The following TNRC6A variants were observed in gnomAD, a reference collection of about 807,000 sequenced individuals.
TNRC6A encodes trinucleotide repeat containing adaptor 6A.
TNRC6A carries 44 observed loss-of-function variants against 221.2 expected under a neutral mutation model. The observed-to-expected ratio is 0.20, with a 90% CI of 0.16 to 0.26. The LOEUF (loss-of-function observed/expected upper bound fraction) is 0.26, where lower values mean the gene tolerates loss of function less well. Ranked by LOEUF, TNRC6A falls within the 10% of genes least tolerant of loss-of-function variation. TNRC6A has a pLI of 1.00. For missense variants in TNRC6A, 2,199 were observed against 2,404.4 expected (o/e 0.91, Z 1.79); for synonymous variants, 847 against 838.5 (o/e 1.01, Z -0.18).
At chr16:24,783,000 T>C (rs1037457492) in intron 5 of TNRC6A, among the ~76,000 whole-genome samples, 2 of 152,262 alleles carry the variant, frequency 1.3e-5, no homozygotes, top group Admixed American at 1.3e-4. Flanking sequence ...CTCTTCCCTT[T>C]CTGGCAAAAT....
At chr16:24,810,041 G>T (rs983218769) in intron 18 of TNRC6A, among the ~76,000 whole-genome samples, 13 of 152,172 alleles carry the variant, frequency 8.5e-5, no homozygotes, top group African/African-American at 3.1e-4. Context: ...TCAAACTCCT[G>T]ACCTCAGGTG....
At position 24,776,742 on chromosome 16, in the gene TNRC6A, A is replaced by G. The variant is rs888591464; in HGVS notation, c.164-191A>G. 17 of 985,422 alleles carry G rather than the reference A, an allele frequency of 1.7e-5. No homozygotes were observed. The East Asian group carries it at 9.1e-4, about 53-fold the overall frequency. The allele number at this position is 985,422 out of a possible 1,614,324, so 61.0% of individuals were successfully genotyped here. On this transcript the variant is annotated intron_variant, in intron 4 of 24. Coordinates refer to ENST00000395799, the MANE Select transcript of TNRC6A (RefSeq NM_014494.4). ...CCTTATTGGGTAGGTAGGTAGCAGAAGTGAAATATGACTCTTGGCAGTGAC... is the reference window on the plus strand; with the variant it reads ...CCTTATTGGGTAGGTAGGTAGCAGAGGTGAAATATGACTCTTGGCAGTGAC...
intron 19 of TNRC6A, 80 bp downstream of exon 19, chr16:24,815,385 T>A (rs1213394996): frequency 6.6e-7 from 1 of 1,514,564 alleles, no homozygotes; most frequent in South Asian, 1.2e-5. Context: ...ACTACTGATG[T>A]AGCCCAGATC....
chr16:24,762,943 A>G lies in TNRC6A; in HGVS notation c.163+4583A>G, dbSNP rs9935271. On this transcript the variant is annotated intron_variant, in intron 4 of 24. Transcript: ENST00000395799. ...TAAAAGGAATCCAGAAAGATCTTGG[A>G]ACAGATTTTACAGTATTTCTCTATT... Among the ~76,000 whole-genome samples the G allele has an allele frequency of 8.5e-5, 13 of 152,352 alleles. No individual in the cohort carries two copies. The East Asian group carries it at 2.1e-3, about 25-fold the overall frequency.
chr16:24,615,106 G>A (rs1900276157), intron 1 of TNRC6A, among the ~76,000 whole-genome samples: 1 of 152,112 alleles, frequency 6.6e-6, no homozygotes, highest in Non-Finnish European at 1.5e-5. Context: ...TTAATTGCAG[G>A]GGAGATGGAA....
intron 2 of TNRC6A, among the ~76,000 whole-genome samples, chr16:24,676,614 T>C (rs2055424832): frequency 6.6e-6 from 1 of 151,988 alleles, no homozygotes; most frequent in African/African-American, 2.4e-5. Flanking sequence ...GCCACCACGC[T>C]TGGCTAATTT....
At chr16:24,638,965 A>G (rs1901783073) in intron 1 of TNRC6A, among the ~76,000 whole-genome samples, 1 of 152,228 alleles carries the variant, frequency 6.6e-6, no homozygotes, top group Non-Finnish European at 1.5e-5. Flanking sequence ...ATCTGTTGCC[A>G]TTGGATTGGG....
At chr16:24,669,796 T>C (rs946440131) in intron 2 of TNRC6A, among the ~76,000 whole-genome samples, 1 of 151,872 alleles carries the variant, frequency 6.6e-6, no homozygotes, top group Admixed American at 6.6e-5. Context: ...GTAGTAATAG[T>C]AATAGTAGCA....
At chr16:24,700,850 A>G (rs1391668120) in intron 2 of TNRC6A, among the ~76,000 whole-genome samples, 1 of 152,060 alleles carries the variant, frequency 6.6e-6, no homozygotes, top group East Asian at 1.9e-4. Flanking sequence ...ATAGCAAACC[A>G]CTTGTTCCCT....
At chr16:24,612,234 G>A (rs116197543) in intron 1 of TNRC6A, among the ~76,000 whole-genome samples, 254 of 152,222 alleles carry the variant, frequency 1.7e-3, no homozygotes, top group African/African-American at 5.4e-3. Flanking sequence ...ACGTCTGTTC[G>A]GCAAGAAACT....
chr16:24,820,171 C>G lies in TNRC6A; in HGVS notation c.5113C>G (p.Pro1705Ala), dbSNP rs1257013304. The change falls in exon 22 of 25, where the codon CCT becomes GCT. Residue 1705 changes from proline (P) to alanine (A), a missense_variant. Pro to Ala is a conservative substitution (Grantham distance 27). Coordinates refer to ENST00000395799, the MANE Select transcript of TNRC6A (RefSeq NM_014494.4). ...TAGTGATTCCAAATTGACATGGTCT[C>G]CTGGTTCAGTTACAAACACCTCTCT... ...RNSDSKLTWS[P>A]GSVTNTSLAH... The G allele has an allele frequency of 6.2e-7, 1 of 1,614,180 alleles. No homozygotes were observed. Among genetic ancestry groups the G allele is most frequent in the South Asian group, 1.1e-5 (1 of 91,076 alleles).
At chr16:24,812,877 CTTTTTTTTTT>C (rs71383720) in intron 18 of TNRC6A, among the ~76,000 whole-genome samples, 3 of 74,992 alleles carry the variant, frequency 4.0e-5, no homozygotes, top group Non-Finnish European at 7.1e-5. Context: ...ACCTCTTGGG[CTTTTTTTTTT>C]TTTTTTTTTT....
chr16:24,704,115 G>A (rs1362315087), intron 2 of TNRC6A, among the ~76,000 whole-genome samples: 2 of 149,832 alleles, frequency 1.3e-5, no homozygotes, highest in African/African-American at 4.9e-5. Context: ...TTTTTTTGGA[G>A]ACAAAGTCTC....
At chr16:24,685,484 G>A (rs540235073) in intron 2 of TNRC6A, among the ~76,000 whole-genome samples, 84 of 152,188 alleles carry the variant, frequency 5.5e-4, no homozygotes, top group Non-Finnish European at 1.0e-3. Flanking sequence ...TTACAGGCAC[G>A]CACCACAATG....
chr16:24,778,299 C>T, intron 5 of TNRC6A: 1 of 985,108 alleles, frequency 1.0e-6, no homozygotes, highest in Non-Finnish European at 1.2e-6. Flanking sequence ...CTTTTATATA[C>T]CAAGAACTAC....
At chr16:24,793,372 A>C in intron 6 of TNRC6A, 101 bp from the exon 7 acceptor site, 1 of 765,758 alleles carries the variant, frequency 1.3e-6, no homozygotes, top group Non-Finnish European at 1.9e-6. Context: ...ATAAACATGA[A>C]GTTCTTCATC....
chr16:24,816,591 C>T, intron 19 of TNRC6A: 2 of 511,294 alleles, frequency 3.9e-6, no homozygotes, highest in Non-Finnish European at 6.8e-6. Context: ...TATGTATATT[C>T]ACATTCAGTG....
At chr16:24,808,087 G>T (rs926303070) in intron 17 of TNRC6A, among the ~76,000 whole-genome samples, 2 of 152,208 alleles carry the variant, frequency 1.3e-5, no homozygotes, top group Non-Finnish European at 2.9e-5. Context: ...GGTGAATACT[G>T]AAGAAGCCAT....
intron 2 of TNRC6A, among the ~76,000 whole-genome samples, chr16:24,721,408 C>T (rs867011443): frequency 6.6e-6 from 1 of 152,180 alleles, no homozygotes; most frequent in Non-Finnish European, 1.5e-5. Context: ...GTGGCTCATG[C>T]CTGTAATCCT....
Sources: gnomAD v4.1 joint callset for allele counts (sites outside exome capture counted in the v4.1 genomes callset) on GRCh38, gnomAD v4.1.1 for gene constraint, MANE v1.5 for transcripts, NCBI Gene and HGNC (gene_info 2026-07-23, HGNC 2026-07-21) for gene names.